Variants in ECI1 observed in about 807,000 individuals in gnomAD.
ECI1 encodes enoyl-CoA delta isomerase 1.
ECI1 carries 34 observed loss-of-function variants against 34.2 expected under a neutral mutation model. The observed-to-expected ratio is 1.00, with a 90% confidence interval of 0.76 to 1.33. The LOEUF is 1.33. Among genes scored for constraint, ECI1 ranks in the 40% most tolerant of loss-of-function variants. The pLI is 0.00. For synonymous variants in ECI1, 211 were observed against 193.0 expected (o/e 1.09, Z -0.77); for missense variants, 456 against 422.2 (o/e 1.08, Z -0.70).
chr16:2,250,030 ATTTT>A (rs35761478), intron 2 of ECI1, among the ~76,000 whole-genome samples: 1 of 143,030 alleles, frequency 7.0e-6, no homozygotes, highest in African/African-American at 2.6e-5. Flanking sequence ...AAAAATAATA[ATTTT>A]TTTTTTTGCA....
Position 2,243,102 on chromosome 16 carries a change from T to C in ECI1, c.686A>G (p.Glu229Gly). ...QVGIVDQVVPEEQVQSTALSA... is the reference protein window; with the variant it reads ...QVGIVDQVVPGEQVQSTALSA... ...CAGCGCAGTGCTCTGCACCTGCTCC[T>C]CCGGGACCACCTGGTCCACTATGCC... The change falls in exon 6 of 7, where the codon GAG (glutamate) becomes GGG (glycine). Residue 229 changes from glutamate (E) to glycine (G), a missense_variant. Transcript: ENST00000301729. 6.2e-7 allele frequency: 1 copy of C among 1,605,694 alleles called. No individual in the cohort carries two copies. The highest frequency in any genetic ancestry group is 8.5e-7 in the Non-Finnish European group (1 of 1,179,878).
At position 2,244,431 on chromosome 16, in the gene ECI1, T is replaced by G; in HGVS notation, c.416A>C (p.Asn139Thr). ...GTTGATGGCGGAGACCAGCACCAGG[T>G]TGGACTGGTACAACCGCAGCCACAG... ...QELWLRLYQS[N>T]LVLVSAINGA... The change falls in exon 4 of 7, where the codon AAC (asparagine) becomes ACC (threonine). Residue 139 changes from asparagine to threonine, a missense_variant. Transcript: ENST00000301729. 1 of 1,612,382 alleles carries G rather than the reference T, an allele frequency of 6.2e-7. No individual in the cohort carries two copies. The highest frequency in any genetic ancestry group is 8.5e-7 in the Non-Finnish European group (1 of 1,179,812).
At chr16:2,240,191 G>GT (rs2093524677) in intron 6 of ECI1, 46 bp from the exon 7 acceptor site, 1 of 1,595,986 alleles carries the variant, frequency 6.3e-7, no homozygotes. Context: ...TTCAGGGGCA[G>GT]TGGGGTGATT....
intron 3 of ECI1, 119 bp from the exon 4 acceptor site, chr16:2,244,671 G>A: frequency 8.9e-7 from 1 of 1,122,002 alleles, no homozygotes; most frequent in Non-Finnish European, 1.3e-6. Flanking sequence ...CGCTCAGGGT[G>A]TGGGTGCTGC....
In ECI1 at chr16:2,246,957, G is replaced by T; in HGVS notation, c.196C>A (p.Pro66Thr). 1 of 1,613,682 alleles carries T rather than the reference G, an allele frequency of 6.2e-7. No individual in the cohort carries two copies. Among genetic ancestry groups the T allele is most frequent in the South Asian group, 1.1e-5 (1 of 91,068 alleles). The change falls in exon 3 of 7, where the codon CCA becomes ACA. Residue 66 changes from proline (P) to threonine (T), a missense_variant. Physicochemically the swap from Pro to Thr is conservative, Grantham distance 38. Coordinates refer to ENST00000301729, the MANE Select transcript of ECI1 (RefSeq NM_001919.4). The part of the protein sequence containing the change: ...GVAVMKFKNP[P>T]VNSLSLEFLT... ...AACTCCAGGCTCAGGCTGTTCACTG[G>T]GGGGTTCTTGAATTTCATCACAGCG...
chr16:2,248,305 T>C (rs1395447962), intron 2 of ECI1, among the ~76,000 whole-genome samples: 2 of 151,992 alleles, frequency 1.3e-5, no homozygotes, highest in Non-Finnish European at 2.9e-5. Flanking sequence ...CCATGTTGGT[T>C]GGCCAGGATG....
chr16:2,250,030 A>AT (rs35761478), intron 2 of ECI1, among the ~76,000 whole-genome samples: 15,306 of 143,036 alleles, frequency 0.11, 1,059 homozygotes, highest in Middle Eastern at 0.16. Flanking sequence ...AAAAATAATA[A>AT]TTTTTTTTTT....
At chr16:2,246,099 G>C (rs1341841490) in intron 3 of ECI1, among the ~76,000 whole-genome samples, 2 of 152,178 alleles carry the variant, frequency 1.3e-5, no homozygotes, top group Non-Finnish European at 2.9e-5. Flanking sequence ...CCTCACCTCA[G>C]CCAATGCCCG....
At chr16:2,242,891 G>A (rs1050595606) in intron 6 of ECI1, 155 bp downstream of exon 6, 17 of 674,192 alleles carry the variant, frequency 2.5e-5, no homozygotes, top group East Asian at 2.2e-4. Context: ...TGGGCCACCC[G>A]GTCTGTGCTG....
At chr16:2,248,255 C>T (rs1352613866) in intron 2 of ECI1, among the ~76,000 whole-genome samples, 1 of 151,820 alleles carries the variant, frequency 6.6e-6, no homozygotes, top group Non-Finnish European at 1.5e-5. Flanking sequence ...CGCCACTATG[C>T]CCAGCTAATT....
intron 2 of ECI1, 31 bp from the exon 3 acceptor site, chr16:2,247,017 C>T (rs771466917): frequency 1.1e-5 from 18 of 1,609,158 alleles, no homozygotes; most frequent in South Asian, 9.9e-5. Context: ...AGAAAGCTCA[C>T]ACCTGGCACT....
chr16:2,244,311 C>G (rs1206837595), intron 4 of ECI1, 95 bp downstream of exon 4: 13 of 1,423,800 alleles, frequency 9.1e-6, no homozygotes, highest in Admixed American at 3.9e-5. Flanking sequence ...TCCCCTTCCC[C>G]TGTGAGAGAT....
intron 6 of ECI1, chr16:2,241,620 G>A (rs996137427): frequency 3.3e-5 from 5 of 152,090 alleles, no homozygotes; most frequent in Non-Finnish European, 5.9e-5. Context: ...TTGAATAGTT[G>A]AAAATCAAAA....
At position 2,246,964 on chromosome 16, in the gene ECI1, C is replaced by G. The variant is rs1483612333; in HGVS notation, c.189G>C (p.Lys63Asn). The stretch of plus-strand genomic sequence containing the variant: ...GGCTCAGGCTGTTCACTGGGGGGTT[C>G]TTGAATTTCATCACAGCGACCCCTA... Reference protein sequence around the residue: ...AGAGVAVMKFKNPPVNSLSLE... With the variant: ...AGAGVAVMKFNNPPVNSLSLE... Residue 63 changes from lysine to asparagine, a missense_variant, in exon 3 of 7, where the codon AAG becomes AAC. Lys to Asn is a moderately conservative substitution (Grantham distance 94). Transcript: ENST00000301729. 1.9e-6 allele frequency: 3 copies of G among 1,613,644 alleles called. No homozygotes were observed. The highest frequency in any genetic ancestry group is 2.2e-5 in the South Asian group (2 of 91,080).
intron 3 of ECI1, 28 bp downstream of exon 3, chr16:2,246,831 T>TGGGGTA (rs2093541332): frequency 1.9e-6 from 3 of 1,611,526 alleles, no homozygotes; most frequent in Non-Finnish European, 2.5e-6. Flanking sequence ...GAACTCGGGC[T>TGGGGTA]GGGGTAGGGA....
intron 6 of ECI1, chr16:2,242,614 A>C (rs761366924): frequency 4.7e-6 from 1 of 210,890 alleles, no homozygotes; most frequent in Non-Finnish European, 9.6e-6. Context: ...ATCATCTTGG[A>C]TTTAAGGTAG....
Position 2,243,097 on chromosome 16 carries a change from G to A in ECI1, c.691C>T (p.Gln231Ter). Residue 231 changes from glutamine (Q) to a stop codon, truncating the protein, a stop_gained, in exon 6 of 7, where the codon CAG becomes TAG. Coordinates refer to ENST00000301729, the MANE Select transcript of ECI1 (RefSeq NM_001919.4). LOFTEE classifies it high-confidence loss of function. ...GIVDQVVPEE[Q>*]VQSTALSAIA... ...GCTGACAGCGCAGTGCTCTGCACCT[G>A]CTCCTCCGGGACCACCTGGTCCACT... The A allele has an allele frequency of 6.2e-7, 1 of 1,605,366 alleles. No homozygotes were observed.
In ECI1 at chr16:2,246,892, ATTC is replaced by A; in HGVS notation, c.258_260del (p.Glu86_Asn87delinsAsp). 1 of 1,613,648 alleles carries A rather than the reference ATTC, an allele frequency of 6.2e-7. No individual in the cohort carries two copies. On this transcript the variant is annotated inframe_deletion, in exon 3 of 7. Coordinates refer to ENST00000301729, the MANE Select transcript of ECI1 (RefSeq NM_001919.4). ...GAATGACACCGCGGAAGCTCTTGTCATTCTCCAGCTTCTCCAGGCTGATGACCA... is the reference window on the plus strand; with the variant it reads ...GAATGACACCGCGGAAGCTCTTGTCATCCAGCTTCTCCAGGCTGATGACCA...
rs757722700 is a variant in ECI1 at position 2,240,106 on chromosome 16, G to A, written c.782C>T (p.Ala261Val). 1.9e-6 allele frequency: 3 copies of A among 1,613,844 alleles called. No individual in the cohort carries two copies. Among genetic ancestry groups the A allele is most frequent in the East Asian group, 2.2e-5 (1 of 44,878 alleles). ...CTGCGTGACCAGGCGGCTGGCCGTG[G>A]CCTTTCGCATCATGGCCTTGGTCAG... Reference protein sequence around the residue: ...RQLTKAMMRKATASRLVTQRD... With the variant: ...RQLTKAMMRKVTASRLVTQRD... The change falls in exon 7 of 7, where the codon GCC (alanine) becomes GTC (valine). Residue 261 changes from alanine to valine, a missense_variant. Coordinates refer to ENST00000301729, the MANE Select transcript of ECI1 (RefSeq NM_001919.4).
Sources: gnomAD v4.1 joint callset for allele counts (sites outside exome capture counted in the v4.1 genomes callset) on GRCh38, gnomAD v4.1.1 for gene constraint, MANE v1.5 for transcripts, NCBI Gene and HGNC (gene_info 2026-07-23, HGNC 2026-07-21) for gene names.